ZBBX: variants seen among roughly 807,000 people sequenced by gnomAD.
ZBBX encodes the protein zinc finger B-box domain containing.
Under a neutral mutation model 108.5 loss-of-function variants are expected in ZBBX, and 101 were observed. That is an observed-to-expected ratio of 0.93 (90% CI 0.79 to 1.10). The LOEUF (loss-of-function observed/expected upper bound fraction) is 1.10, where lower values mean the gene tolerates loss of function less well. Ranked by LOEUF, ZBBX falls within the 50% of genes least tolerant of loss-of-function variation. The pLI, the probability that ZBBX is intolerant of heterozygous loss-of-function variation, is 0.00. For synonymous variants in ZBBX, 356 were observed against 323.4 expected, an observed-to-expected ratio of 1.10 and a Z score of -1.08; for missense variants, 1,009 against 941.4, an observed-to-expected ratio of 1.07 and a Z score of -0.94.
At chr3:167,333,575 A>T (rs149018718) in intron 10 of ZBBX, among the ~76,000 whole-genome samples, 1 of 152,322 alleles carries the variant, frequency 6.6e-6, no homozygotes, top group African/African-American at 2.4e-5. Flanking sequence ...CCTGACATGG[A>T]TGAAAATGTC....
intron 1 of ZBBX, among the ~76,000 whole-genome samples, chr3:167,394,644 C>T (rs1748176305): frequency 6.6e-6 from 1 of 151,696 alleles, no homozygotes; most frequent in South Asian, 2.1e-4. Context: ...AAGAAGCAAG[C>T]CTTCATTAAT....
At chr3:167,371,592 G>A (rs1746163480) in intron 4 of ZBBX, among the ~76,000 whole-genome samples, 1 of 152,096 alleles carries the variant, frequency 6.6e-6, no homozygotes, top group African/African-American at 2.4e-5. Context: ...TATAGAAAAT[G>A]CACACTTAAT....
the ZBBX span, among the ~76,000 whole-genome samples, chr3:167,194,523 C>T: frequency 1.6e-4 from 25 of 152,086 alleles, no homozygotes; most frequent in East Asian, 1.9e-3. Context: ...GACTCCTGTG[C>T]GTATTTCAGA....
intron 10 of ZBBX, 51 bp from the exon 11 acceptor site, chr3:167,328,167 C>T: frequency 6.6e-7 from 1 of 1,523,468 alleles, no homozygotes; most frequent in Non-Finnish European, 8.8e-7. Context: ...TGTATTTACC[C>T]ACAAAAATTG....
intron 8 of ZBBX, among the ~76,000 whole-genome samples, chr3:167,352,103 A>G (rs1742763553): frequency 6.6e-6 from 1 of 152,074 alleles, no homozygotes; most frequent in African/African-American, 2.4e-5. Flanking sequence ...AAGAGAACAA[A>G]CCAAACCCAA....
At chr3:167,315,381 G>C (rs943734840) in intron 15 of ZBBX, among the ~76,000 whole-genome samples, 4 of 151,938 alleles carry the variant, frequency 2.6e-5, no homozygotes, top group African/African-American at 9.7e-5. Flanking sequence ...TTTATTTAGG[G>C]TTCATAGAAA....
At position 167,333,892 on chromosome 3, in the gene ZBBX, T is replaced by A; in HGVS notation, c.622A>T (p.Thr208Ser). The A allele has an allele frequency of 1.2e-6, 2 of 1,612,986 alleles. No homozygotes were observed. The highest frequency in any genetic ancestry group is 1.7e-6 in the Non-Finnish European group (2 of 1,179,450). The part of the protein sequence containing the change: ...PDEPKEENNS[T>S]KETSKIQHKP... ...TGTTGAATTTTACTGGTTTCCTTTG[T>A]AGAATTATTCTCCTCTTTGGGTTCA... The change falls in exon 10 of 22, where the codon ACA becomes TCA. Residue 208 changes from threonine (T) to serine (S), a missense_variant. Physicochemically the swap from Thr to Ser is moderately conservative, Grantham distance 58. Coordinates refer to ENST00000675490, the MANE Select transcript of ZBBX (RefSeq NM_001199201.2).
At chr3:167,293,902 C>T (rs1042663849) in intron 18 of ZBBX, among the ~76,000 whole-genome samples, 1 of 148,386 alleles carries the variant, frequency 6.7e-6, no homozygotes, top group Non-Finnish European at 1.5e-5. Context: ...ACACCTATAA[C>T]AGACAAACAG....
chr3:167,366,125 A>G, intron 5 of ZBBX, 149 bp from the exon 6 acceptor site: 3 of 500,426 alleles, frequency 6.0e-6, no homozygotes, highest in Non-Finnish European at 1.1e-5. Context: ...AATATCAATA[A>G]TGTCACAATA....
intron 9 of ZBBX, among the ~76,000 whole-genome samples, chr3:167,343,683 A>C (rs540744271): frequency 6.6e-6 from 1 of 152,012 alleles, no homozygotes; most frequent in Non-Finnish European, 1.5e-5. Flanking sequence ...ACTGCTTCAT[A>C]TTACTAGGAT....
At chr3:167,178,484 G>C in the ZBBX span, among the ~76,000 whole-genome samples, 2,028 of 152,258 alleles carry the variant, frequency 0.013, 22 homozygotes, top group South Asian at 0.026. Flanking sequence ...GTAGGTGGCT[G>C]TGTTCGACGG....
chr3:167,179,557 T>C, the ZBBX span, among the ~76,000 whole-genome samples: 2 of 152,232 alleles, frequency 1.3e-5, no homozygotes, highest in Non-Finnish European at 2.9e-5. Context: ...GTTGTTCATC[T>C]GTATGAAATC....
intron 20 of ZBBX, among the ~76,000 whole-genome samples, chr3:167,251,959 C>CACACACA: frequency 6.6e-6 from 1 of 151,440 alleles, no homozygotes; most frequent in African/African-American, 2.4e-5. Flanking sequence ...CACACACACA[C>CACACACA]ATCTGTCCAT....
At chr3:167,348,332 GAA>G (rs1339065212) in intron 9 of ZBBX, among the ~76,000 whole-genome samples, 44 of 93,774 alleles carry the variant, frequency 4.7e-4, no homozygotes, top group East Asian at 3.8e-3. Context: ...AAGAAAGAAA[GAA>G]AGAAAGAAAG....
At chr3:167,405,145 T>C (rs560013098) in intron 1 of ZBBX, among the ~76,000 whole-genome samples, 46 of 152,306 alleles carry the variant, frequency 3.0e-4, no homozygotes, top group African/African-American at 1.1e-3. Flanking sequence ...TTGGACACTT[T>C]TGAAATGTCT....
intron 10 of ZBBX, among the ~76,000 whole-genome samples, chr3:167,332,940 G>A (rs1038162672): frequency 3.3e-5 from 5 of 152,004 alleles, no homozygotes; most frequent in African/African-American, 1.2e-4. Context: ...AATATTTAGG[G>A]CAGTGTCTGG....
intron 19 of ZBBX, among the ~76,000 whole-genome samples, chr3:167,287,920 G>A (rs1472297871): frequency 1.3e-5 from 2 of 151,998 alleles, no homozygotes; most frequent in Non-Finnish European, 2.9e-5. Flanking sequence ...ATAGATTTTA[G>A]GGCAAGAGAG....
intron 20 of ZBBX, among the ~76,000 whole-genome samples, chr3:167,272,513 C>T (rs756154915): frequency 6.6e-6 from 1 of 152,118 alleles, no homozygotes; most frequent in Non-Finnish European, 1.5e-5. Flanking sequence ...AAGAAAGCAC[C>T]GTCCACCCCG....
intron 1 of ZBBX, among the ~76,000 whole-genome samples, chr3:167,396,891 C>T (rs145014056): frequency 6.6e-6 from 1 of 151,612 alleles, no homozygotes; most frequent in South Asian, 2.1e-4. Flanking sequence ...AAAAATGCTG[C>T]TATGTTTTTC....
Sources: allele counts gnomAD v4.1 joint callset (sites outside exome capture counted in the v4.1 genomes callset), GRCh38; gene constraint gnomAD v4.1.1; transcripts MANE v1.5; gene names NCBI Gene and HGNC (gene_info 2026-07-23, HGNC 2026-07-21).